Variants in LRGUK observed in about 807,000 individuals in gnomAD.
The protein encoded by LRGUK is leucine rich repeats and guanylate kinase domain containing.
LRGUK carries 65 observed loss-of-function variants against 76.0 expected under a neutral mutation model. That is an observed-to-expected ratio of 0.85 (90% CI 0.70 to 1.05). LRGUK has a LOEUF of 1.05. LRGUK is among the 50% of genes least tolerant of loss of function. The pLI is 0.00. For missense variants in LRGUK, 758 were observed against 732.8 expected (o/e 1.03, Z -0.40); for synonymous variants, 268 against 265.6 (o/e 1.01, Z -0.09).
intron 7 of LRGUK, among the ~76,000 whole-genome samples, chr7:134,165,945 A>G (rs183446968): frequency 6.6e-6 from 1 of 152,328 alleles, no homozygotes; most frequent in East Asian, 1.9e-4. Context: ...TCCATGAAAA[A>G]AAAGTGGCCA....
At chr7:134,190,948 T>TCTGGGGATAGACAGTAGTTGAGC (rs1554467160) in intron 11 of LRGUK, among the ~76,000 whole-genome samples, 1 of 41,740 alleles carries the variant, frequency 2.4e-5, no homozygotes, top group Non-Finnish European at 5.9e-5. Flanking sequence ...TTGAGCGGTG[T>TCTGGGGATAGACAGTAGTTGAGC]GGTGGGATGG....
At chr7:134,163,611 C>A in intron 7 of LRGUK, 71 bp downstream of exon 7, 1 of 1,360,602 alleles carries the variant, frequency 7.3e-7, no homozygotes, top group Non-Finnish European at 9.7e-7. Flanking sequence ...TTAGCACACA[C>A]CCTTCATTTT....
intron 5 of LRGUK, among the ~76,000 whole-genome samples, chr7:134,152,348 ACT>A (rs1798256102): frequency 6.6e-6 from 1 of 151,968 alleles, no homozygotes; most frequent in Non-Finnish European, 1.5e-5. Context: ...GACTAACAAA[ACT>A]CTATTTAAGG....
intron 7 of LRGUK, among the ~76,000 whole-genome samples, chr7:134,165,476 T>C (rs1798938740): frequency 6.6e-6 from 1 of 152,170 alleles, no homozygotes; most frequent in African/African-American, 2.4e-5. Context: ...TACAGTGCTT[T>C]CTCAGCGAAA....
intron 18 of LRGUK, among the ~76,000 whole-genome samples, chr7:134,257,887 G>C (rs1359438012): frequency 6.6e-6 from 1 of 152,056 alleles, no homozygotes; most frequent in African/African-American, 2.4e-5. Context: ...CACCTACCAT[G>C]GTTTTGTTTC....
At chr7:134,246,094 A>G (rs1802294262) in intron 16 of LRGUK, among the ~76,000 whole-genome samples, 1 of 152,234 alleles carries the variant, frequency 6.6e-6, no homozygotes, top group South Asian at 2.1e-4. Flanking sequence ...GTTAGCGCTC[A>G]TGTGTCATGG....
intron 14 of LRGUK, among the ~76,000 whole-genome samples, chr7:134,199,994 A>T (rs1320973538): frequency 8.8e-6 from 1 of 113,858 alleles, no homozygotes; most frequent in African/African-American, 3.5e-5. Context: ...ATATATATAT[A>T]TATATATATA....
rs1797833369 is a variant in LRGUK at position 134,143,046 on chromosome 7, C to T, written c.488-16C>T. On this transcript the variant is annotated splice_polypyrimidine_tract_variant and intron_variant, in intron 3 of 15. Coordinates refer to ENST00000645682, the Ensembl canonical transcript of LRGUK. ...TTTATTGGCTTACCTTATTCTGTATCTGTTTCCCTCCGTAGATTTATCTTG... is the reference window on the plus strand; with the variant it reads ...TTTATTGGCTTACCTTATTCTGTATTTGTTTCCCTCCGTAGATTTATCTTG... 1 of 1,347,496 alleles carries T rather than the reference C, an allele frequency of 7.4e-7. No homozygotes were observed. Among genetic ancestry groups the T allele is most frequent in the African/African-American group, 1.4e-5 (1 of 69,520 alleles). 83.5% of individuals were successfully genotyped at this position (1,347,496 alleles called of 1,614,324 possible).
chr7:134,169,974 G>C (rs1799173411), intron 7 of LRGUK, among the ~76,000 whole-genome samples: 1 of 152,032 alleles, frequency 6.6e-6, no homozygotes, highest in Non-Finnish European at 1.5e-5. Context: ...AGTATATGAA[G>C]TTAGAATACT....
chr7:134,275,000 C>T, the LRGUK span, among the ~76,000 whole-genome samples: 1 of 151,996 alleles, frequency 6.6e-6, no homozygotes, highest in African/African-American at 2.4e-5. Context: ...TTGAGTTTGA[C>T]ACTGATGTTT....
chr7:134,269,140 CCAAA>C (rs1802914919), downstream of LRGUK, among the ~76,000 whole-genome samples: 1 of 151,998 alleles, frequency 6.6e-6, no homozygotes, highest in Admixed American at 6.6e-5. Context: ...TGAAACTATT[CCAAA>C]CAATCAGGAG....
chr7:134,128,921 C>G (rs1797152637), intron 1 of LRGUK, among the ~76,000 whole-genome samples: 1 of 152,144 alleles, frequency 6.6e-6, no homozygotes, highest in African/African-American at 2.4e-5. Context: ...AACTTAGATT[C>G]AATAGTTTTT....
chr7:134,251,600 T>C (rs891893808), intron 18 of LRGUK, among the ~76,000 whole-genome samples: 3 of 152,226 alleles, frequency 2.0e-5, no homozygotes, highest in Non-Finnish European at 4.4e-5. Flanking sequence ...TGTGTTCCCT[T>C]TAACATGCTA....
intron 11 of LRGUK, among the ~76,000 whole-genome samples, chr7:134,191,043 AG>A (rs1380509910): frequency 6.6e-6 from 1 of 152,196 alleles, no homozygotes; most frequent in Non-Finnish European, 1.5e-5. Context: ...GGATTGCCAC[AG>A]GAGGTTTATA....
Position 134,148,030 on chromosome 7 carries a change from C to A in LRGUK, c.589-208C>A, listed in dbSNP as rs549256780. Among the ~76,000 whole-genome samples, 6 of 147,598 alleles carry A rather than the reference C, an allele frequency of 4.1e-5. No homozygotes were observed. The South Asian group carries it at 1.1e-3, about 27-fold the overall frequency. On this transcript the variant is annotated intron_variant, in intron 4 of 15. Coordinates refer to ENST00000645682, the Ensembl canonical transcript of LRGUK. ...TGAGCTGAGATCACACCACTGCACT[C>A]CAGCCTGGACGACAGAGCAAGACTC...
intron 16 of LRGUK, among the ~76,000 whole-genome samples, chr7:134,245,002 T>C (rs920849703): frequency 4.9e-5 from 6 of 123,100 alleles, no homozygotes; most frequent in African/African-American, 6.5e-5. Context: ...AATTGAACAA[T>C]GAGAACACTT....
At chr7:134,229,237 T>G (rs889288790) in intron 16 of LRGUK, among the ~76,000 whole-genome samples, 5 of 151,966 alleles carry the variant, frequency 3.3e-5, no homozygotes, top group African/African-American at 9.7e-5. Flanking sequence ...GTGGCACACG[T>G]CTGCAGTCCC....
chr7:134,245,245 T>C (rs1404269013), intron 16 of LRGUK, among the ~76,000 whole-genome samples: 2 of 152,198 alleles, frequency 1.3e-5, no homozygotes, highest in African/African-American at 2.4e-5. Context: ...TATGACTTCT[T>C]ATACTCAAAC....
intron 2 of LRGUK, among the ~76,000 whole-genome samples, chr7:134,137,895 G>A (rs1373497747): frequency 2.6e-5 from 4 of 151,826 alleles, no homozygotes; most frequent in African/African-American, 9.7e-5. Context: ...ATGGCACCAT[G>A]ATTTGGCGAA....
Sources: gnomAD v4.1 joint callset for allele counts (sites outside exome capture counted in the v4.1 genomes callset) on GRCh38, gnomAD v4.1.1 for gene constraint, MANE v1.5 for transcripts, NCBI Gene and HGNC (gene_info 2026-07-23, HGNC 2026-07-21) for gene names.